Variants in ENOX1 observed in about 807,000 individuals in gnomAD.
ENOX1 encodes candidate growth-related and time keeping constitutive hydroquinone (NADH) oxidase.
A neutral mutation model predicts 82.5 loss-of-function variants in ENOX1; 42 were observed. The ratio of observed to expected loss-of-function variants is 0.51; its 90% CI spans 0.40 to 0.66. The LOEUF (loss-of-function observed/expected upper bound fraction) is 0.66, where lower values mean the gene tolerates loss of function less well. ENOX1 is among the 30% of genes least tolerant of loss of function. The probability of loss-of-function intolerance (pLI) is 0.00; values close to 1 mark genes in which losing one functional copy is unlikely to be tolerated. For missense variants in ENOX1, 608 were observed against 811.6 expected (o/e 0.75, Z 3.05); for synonymous variants, 271 against 282.2 (o/e 0.96, Z 0.40).
intron 5 of ENOX1, among the ~76,000 whole-genome samples, chr13:43,382,111 T>C (rs2052088593): frequency 6.6e-6 from 1 of 152,110 alleles, no homozygotes; most frequent in Non-Finnish European, 1.5e-5. Flanking sequence ...ATGCAAATTC[T>C]AAACAAAATT....
chr13:43,763,864 G>A (rs1951123945), intron 1 of ENOX1, among the ~76,000 whole-genome samples: 1 of 152,144 alleles, frequency 6.6e-6, no homozygotes, highest in South Asian at 2.1e-4. Flanking sequence ...AATGCCTGTG[G>A]AACAACATAA....
intron 16 of ENOX1, among the ~76,000 whole-genome samples, chr13:43,223,588 C>T (rs1247703385): frequency 1.3e-5 from 2 of 152,112 alleles, no homozygotes; most frequent in Non-Finnish European, 1.5e-5. Context: ...ACTTAGAGAA[C>T]AACGCTGGAA....
intron 3 of ENOX1, among the ~76,000 whole-genome samples, chr13:43,453,758 T>C (rs2057086548): frequency 6.6e-6 from 1 of 152,096 alleles, no homozygotes; most frequent in African/African-American, 2.4e-5. Flanking sequence ...AAGGGATAAG[T>C]GTATGTGAGT....
At chr13:43,298,742 T>C (rs997270198) in intron 11 of ENOX1, among the ~76,000 whole-genome samples, 1 of 152,244 alleles carries the variant, frequency 6.6e-6, no homozygotes, top group Non-Finnish European at 1.5e-5. Flanking sequence ...CTGTCTTACA[T>C]GTGAATGTTT....
chr13:43,625,809 G>A (rs2082938556), intron 2 of ENOX1, among the ~76,000 whole-genome samples: 1 of 151,398 alleles, frequency 6.6e-6, no homozygotes, highest in Non-Finnish European at 1.5e-5. Context: ...TTTCTTTTTT[G>A]TACTGTTTTT....
At chr13:43,768,959 T>C (rs1951438564) in intron 1 of ENOX1, among the ~76,000 whole-genome samples, 1 of 152,238 alleles carries the variant, frequency 6.6e-6, no homozygotes, top group Admixed American at 6.5e-5. Flanking sequence ...AACACTGTGT[T>C]GCTTATTTTC....
At chr13:43,779,184 A>T (rs1241267524) in intron 1 of ENOX1, among the ~76,000 whole-genome samples, 8 of 110,132 alleles carry the variant, frequency 7.3e-5, no homozygotes, top group Middle Eastern at 4.5e-3. Context: ...CTCGTTATTT[A>T]AAAAAAAAAA....
chr13:43,439,177 G>A (rs2056216571), intron 3 of ENOX1, among the ~76,000 whole-genome samples: 1 of 150,248 alleles, frequency 6.7e-6, no homozygotes, highest in East Asian at 2.0e-4. Context: ...AGCCTCCCGA[G>A]TAGCTGGGAT....
At chr13:43,427,232 G>C (rs2055366146) in intron 3 of ENOX1, among the ~76,000 whole-genome samples, 1 of 152,166 alleles carries the variant, frequency 6.6e-6, no homozygotes, top group Non-Finnish European at 1.5e-5. Flanking sequence ...ACACTCCCCA[G>C]ATGGAACCGC....
chr13:43,214,098 C>A lies in ENOX1; in HGVS notation c.1824G>T (p.Met608Ile). ...DSKISANEIEMLLMRLPRMFK... is the reference protein window; with the variant it reads ...DSKISANEIEILLMRLPRMFK... ...ACATGCGTGGCAGCCTCATCAAAAGCATTTCTATTTCATTTGCAGATATCT... is the reference window on the plus strand; with the variant it reads ...ACATGCGTGGCAGCCTCATCAAAAGAATTTCTATTTCATTTGCAGATATCT... Residue 608 changes from methionine to isoleucine, a missense_variant, in exon 17 of 17, where the codon ATG becomes ATT. Physicochemically the swap from Met to Ile is conservative, Grantham distance 10. Coordinates refer to ENST00000690772, the MANE Select transcript of ENOX1 (RefSeq NM_001347969.2). 1 of 1,612,762 alleles carries A rather than the reference C, an allele frequency of 6.2e-7. No homozygotes were observed. The highest frequency in any genetic ancestry group is 8.5e-7 in the Non-Finnish European group (1 of 1,179,266).
chr13:43,530,885 T>G (rs1384619043), intron 2 of ENOX1, among the ~76,000 whole-genome samples: 2 of 152,148 alleles, frequency 1.3e-5, no homozygotes, highest in Non-Finnish European at 2.9e-5. Context: ...GATTAGCCAG[T>G]TAATCTCAAT....
intron 11 of ENOX1, among the ~76,000 whole-genome samples, chr13:43,306,443 AT>A (rs1388174305): frequency 6.6e-6 from 1 of 152,196 alleles, no homozygotes; most frequent in Admixed American, 6.5e-5. Context: ...GGCTTTAAAG[AT>A]TCTTTTTTAG....
Position 43,619,698 on chromosome 13 carries a change from C to T in ENOX1, c.-219+47781G>A, listed in dbSNP as rs896042413. Among the ~76,000 whole-genome samples, 6 of 152,026 alleles carry T rather than the reference C, an allele frequency of 3.9e-5. No homozygotes were observed. In the East Asian group the frequency reaches 9.7e-4, roughly 24 times the overall value. On this transcript the variant is annotated intron_variant, in intron 2 of 16. Transcript: ENST00000690772. ...TGGCATCTATGTTCATCAAGGATAT[C>T]GGTCTGTAGTTTTCTTTTTTGGCTA...
chr13:43,425,280 C>T (rs375085503), intron 3 of ENOX1, among the ~76,000 whole-genome samples: 11 of 152,154 alleles, frequency 7.2e-5, no homozygotes, highest in African/African-American at 2.6e-4. Flanking sequence ...GCTCCCACCC[C>T]CATCAAAAGA....
chr13:43,568,567 C>T (rs1450364820), intron 2 of ENOX1, among the ~76,000 whole-genome samples: 1 of 152,126 alleles, frequency 6.6e-6, no homozygotes, highest in African/African-American at 2.4e-5. Flanking sequence ...AGCCAGATCA[C>T]AAGCTGAGAG....
At chr13:43,270,929 C>G (rs770246614) in intron 12 of ENOX1, among the ~76,000 whole-genome samples, 13 of 152,254 alleles carry the variant, frequency 8.5e-5, no homozygotes, top group Admixed American at 2.0e-4. Flanking sequence ...GTACAGAAAC[C>G]AAGGAGCCCA....
intron 1 of ENOX1, among the ~76,000 whole-genome samples, chr13:43,742,802 G>T (rs1949813307): frequency 6.6e-6 from 1 of 152,138 alleles, no homozygotes; most frequent in African/African-American, 2.4e-5. Context: ...ACTGGATGTA[G>T]GTGTGAGATA....
intron 5 of ENOX1, among the ~76,000 whole-genome samples, chr13:43,401,917 AC>A (rs1286001587): frequency 6.6e-6 from 1 of 152,194 alleles, no homozygotes; most frequent in Admixed American, 6.5e-5. Flanking sequence ...ACAAACAAAA[AC>A]TTAAAAATAT....
chr13:43,295,434 A>G lies in ENOX1; in HGVS notation c.1446+2912T>C, dbSNP rs1218956360. ...TTTTTCCATGTTAGGAACCCTGCCC[A>G]TAGTGTTTTCTTCATGAACACATGC... On this transcript the variant is annotated intron_variant, in intron 12 of 16. Coordinates refer to ENST00000690772, the MANE Select transcript of ENOX1 (RefSeq NM_001347969.2). Among the ~76,000 whole-genome samples, 5 of 152,238 alleles carry G rather than the reference A, an allele frequency of 3.3e-5. 1 individual carries two copies. Among genetic ancestry groups the G allele is most frequent in the Admixed American group, 2.0e-4 (3 of 15,290 alleles).
Sources: gnomAD v4.1 joint callset for allele counts (sites outside exome capture counted in the v4.1 genomes callset) on GRCh38, gnomAD v4.1.1 for gene constraint, MANE v1.5 for transcripts, NCBI Gene and HGNC (gene_info 2026-07-23, HGNC 2026-07-21) for gene names.